Variants in ADAMTS20 observed in about 807,000 individuals in gnomAD.
ADAMTS20 encodes the protein ADAM metallopeptidase with thrombospondin type 1 motif 20.
ADAMTS20 carries 225 observed loss-of-function variants against 260.1 expected under a neutral mutation model. The observed-to-expected ratio is 0.87, with a 90% CI of 0.78 to 0.97. The LOEUF is 0.97. Ranked by LOEUF, ADAMTS20 falls within the 50% of genes least tolerant of loss-of-function variation. The probability of loss-of-function intolerance (pLI) is 0.00; values close to 1 mark genes in which losing one functional copy is unlikely to be tolerated. For synonymous variants in ADAMTS20, 802 were observed against 769.5 expected (o/e 1.04, Z -0.70); for missense variants, 2,400 against 2,337.7 (o/e 1.03, Z -0.55).
rs1162338659 is a variant in ADAMTS20 at position 43,460,964 on chromosome 12, T to TTA, written c.1614+1929_1614+1930dup. Among the ~76,000 whole-genome samples the TTA allele has an allele frequency of 1.6e-3, 90 of 58,024 alleles. 5 individuals carry two copies. Among genetic ancestry groups the TTA allele is most frequent in the East Asian group, 0.01 (2 of 194 alleles). 38.1% of individuals were successfully genotyped at this position (58,024 alleles called of 152,430 possible). A position where few individuals can be genotyped will look rare whatever the true frequency, so the allele number is the denominator to read the frequency against. ...TGCCTAGATAAGAGGCACAACTAAA[T>TTA]TATATATATATATATATATATATAT... On this transcript the variant is annotated intron_variant, in intron 11 of 38. Coordinates refer to ENST00000389420, the MANE Select transcript of ADAMTS20 (RefSeq NM_025003.5).
chr12:43,375,327 T>C, intron 36 of ADAMTS20, 52 bp downstream of exon 36: 1 of 1,580,914 alleles, frequency 6.3e-7, no homozygotes, highest in Non-Finnish European at 8.6e-7. Flanking sequence ...TTGTTTGACG[T>C]TCATAAGCAA....
intron 28 of ADAMTS20, among the ~76,000 whole-genome samples, chr12:43,418,842 A>AATC (rs1941179235): frequency 6.6e-6 from 1 of 152,234 alleles, no homozygotes; most frequent in South Asian, 2.1e-4. Flanking sequence ...AGCAAATTTC[A>AATC]ATCTTTTTCC....
intron 4 of ADAMTS20, among the ~76,000 whole-genome samples, chr12:43,494,408 C>G (rs1222751452): frequency 1.3e-5 from 2 of 152,190 alleles, no homozygotes; most frequent in Non-Finnish European, 2.9e-5. Context: ...ACCAATGTCT[C>G]TTGTGCCAAA....
chr12:43,459,163 T>C (rs1252100156), intron 11 of ADAMTS20, among the ~76,000 whole-genome samples: 1 of 152,196 alleles, frequency 6.6e-6, no homozygotes, highest in Non-Finnish European at 1.5e-5. Context: ...GAGCTTTCAC[T>C]TGCCGCCTAC....
At chr12:43,397,881 T>C (rs1362318806) in intron 29 of ADAMTS20, among the ~76,000 whole-genome samples, 2 of 152,176 alleles carry the variant, frequency 1.3e-5, no homozygotes, top group African/African-American at 4.8e-5. Flanking sequence ...AGATTTTTAC[T>C]CAATTTGGAA....
chr12:43,513,793 C>T (rs1229068012), intron 3 of ADAMTS20, among the ~76,000 whole-genome samples: 2 of 151,714 alleles, frequency 1.3e-5, no homozygotes, highest in Non-Finnish European at 2.9e-5. Context: ...CCATCATTCT[C>T]AGCAAACTAT....
At chr12:43,466,016 T>A (rs1942146343) in intron 9 of ADAMTS20, among the ~76,000 whole-genome samples, 1 of 152,050 alleles carries the variant, frequency 6.6e-6, no homozygotes, top group Non-Finnish European at 1.5e-5. Flanking sequence ...CAGGCTTGCC[T>A]TTTGGAAAAG....
At chr12:43,416,804 G>A (rs1174713167) in intron 28 of ADAMTS20, among the ~76,000 whole-genome samples, 1 of 151,918 alleles carries the variant, frequency 6.6e-6, no homozygotes, top group African/African-American at 2.4e-5. Context: ...TTACAGGCGT[G>A]AGCCACCGCG....
chr12:43,421,335 A>C (rs1941234941), intron 28 of ADAMTS20, among the ~76,000 whole-genome samples: 1 of 151,480 alleles, frequency 6.6e-6, no homozygotes, highest in Admixed American at 6.6e-5. Flanking sequence ...ACAATCTTTA[A>C]GGCAAAAAGG....
chr12:43,440,647 T>C (rs772243065), intron 16 of ADAMTS20, among the ~76,000 whole-genome samples: 3 of 152,178 alleles, frequency 2.0e-5, no homozygotes, highest in Non-Finnish European at 2.9e-5. Context: ...TTTCATGATG[T>C]ATGTAGCTTC....
intron 3 of ADAMTS20, among the ~76,000 whole-genome samples, chr12:43,505,524 T>C (rs1942828890): frequency 6.6e-6 from 1 of 152,096 alleles, no homozygotes; most frequent in South Asian, 2.1e-4. Flanking sequence ...TCAACACACA[T>C]ATGAAAAGAT....
intron 7 of ADAMTS20, among the ~76,000 whole-genome samples, chr12:43,469,310 T>C (rs7966671): frequency 0.12 from 18,119 of 152,016 alleles, 1,233 homozygotes; most frequent in Admixed American, 0.21. Flanking sequence ...ATAGGAAATG[T>C]ATTGCAAATC....
At chr12:43,503,177 T>C (rs1214222989) in intron 3 of ADAMTS20, among the ~76,000 whole-genome samples, 1 of 152,166 alleles carries the variant, frequency 6.6e-6, no homozygotes, top group Non-Finnish European at 1.5e-5. Context: ...CAGGTGCTTG[T>C]CCTATTTCTC....
At chr12:43,363,693 T>C (rs760577340) in intron 37 of ADAMTS20, among the ~76,000 whole-genome samples, 3 of 152,186 alleles carry the variant, frequency 2.0e-5, no homozygotes, top group Non-Finnish European at 4.4e-5. Context: ...TTTAGGTACT[T>C]TCTGGAAAAG....
intron 11 of ADAMTS20, among the ~76,000 whole-genome samples, chr12:43,461,051 C>T (rs531125849): frequency 7.7e-5 from 10 of 129,502 alleles, no homozygotes; most frequent in African/African-American, 2.1e-4. Flanking sequence ...AGTGCAAAGG[C>T]GTGATCTCGG....
chr12:43,489,417 A>G (rs1308473803), intron 7 of ADAMTS20, among the ~76,000 whole-genome samples: 1 of 152,006 alleles, frequency 6.6e-6, no homozygotes, highest in Admixed American at 6.6e-5. Context: ...AAAGCAACAA[A>G]TACCACACCA....
intron 15 of ADAMTS20, among the ~76,000 whole-genome samples, chr12:43,445,461 A>G (rs1941742583): frequency 6.6e-6 from 1 of 152,218 alleles, no homozygotes; most frequent in Non-Finnish European, 1.5e-5. Context: ...ACATAAAAAC[A>G]TAAATATTAA....
At chr12:43,519,851 C>A (rs1485645762) in intron 3 of ADAMTS20, among the ~76,000 whole-genome samples, 1 of 152,106 alleles carries the variant, frequency 6.6e-6, no homozygotes, top group Non-Finnish European at 1.5e-5. Context: ...TTGAAAGTTA[C>A]AACCTTAATA....
intron 3 of ADAMTS20, among the ~76,000 whole-genome samples, chr12:43,515,066 T>A (rs528657803): frequency 7.9e-5 from 12 of 152,304 alleles, no homozygotes; most frequent in Admixed American, 3.9e-4. Flanking sequence ...AGACAACAAA[T>A]AACTCCCTTT....
Sources: gnomAD v4.1 joint callset for allele counts (sites outside exome capture counted in the v4.1 genomes callset) on GRCh38, gnomAD v4.1.1 for gene constraint, MANE v1.5 for transcripts, NCBI Gene and HGNC (gene_info 2026-07-23, HGNC 2026-07-21) for gene names.